Variants in DNAH7 observed in about 807,000 individuals in gnomAD.
DNAH7 encodes axonemal beta dynein heavy chain 7.
A neutral mutation model predicts 444.6 loss-of-function variants in DNAH7; 397 were observed. The ratio of observed to expected loss-of-function variants is 0.89; its 90% confidence interval spans 0.82 to 0.97. The LOEUF (loss-of-function observed/expected upper bound fraction) is 0.97, where lower values mean the gene tolerates loss of function less well. Among genes scored for constraint, DNAH7 ranks in the 50% least tolerant of loss-of-function variants. The pLI is 0.00. For missense variants in DNAH7, 4,902 were observed against 4,800.8 expected (o/e 1.02, Z -0.62); for synonymous variants, 1,636 against 1,624.4 (o/e 1.01, Z -0.17).
At chr2:195,851,722 T>C (rs984070402) in intron 46 of DNAH7, among the ~76,000 whole-genome samples, 3 of 152,310 alleles carry the variant, frequency 2.0e-5, no homozygotes, top group East Asian at 3.9e-4. Flanking sequence ...ATTCTGCTAG[T>C]GCACTGGGTA....
In DNAH7 at chr2:195,858,780, T is replaced by C; in HGVS notation, c.7761A>G (p.Arg2587=). ...KRSEVMKMKK[R]YEVGLEKLDS... is the part of the protein sequence containing the mutation. ...CCAGTTTCTCCAAACCCACTTCATA[T>C]CTCTTTTTCATTTTCATTACTTCAC... is the stretch of plus-strand genomic sequence containing the variant. The change falls in exon 43 of 65, where the codon AGA becomes AGG. Residue 2587 remains arginine, a synonymous_variant. Transcript: ENST00000312428. 2 of 1,608,372 alleles carry C rather than the reference T, an allele frequency of 1.2e-6. No individual in the cohort carries two copies. The highest frequency in any genetic ancestry group is 2.7e-5 in the African/African-American group (2 of 74,522).
Position 195,984,663 on chromosome 2 carries a change from G to A in DNAH7, c.1802C>T (p.Pro601Leu), listed in dbSNP as rs776920806. The A allele has an allele frequency of 2.5e-6, 4 of 1,613,758 alleles. No homozygotes were observed. The highest frequency in any genetic ancestry group is 3.3e-5 in the Admixed American group (2 of 59,998). The change falls in exon 15 of 65, where the codon CCT becomes CTT. Residue 601 changes from proline (P) to leucine (L), a missense_variant. Pro to Leu is a moderately conservative substitution (Grantham distance 98). Coordinates refer to ENST00000312428, the MANE Select transcript of DNAH7 (RefSeq NM_018897.3). ...ERIAEKALST[P>L]PNTAELMEMK... The stretch of plus-strand genomic sequence containing the variant: ...TTCCATTAGTTCTGCTGTATTTGGA[G>A]GAGTGCTAAGAGCTTTTTCAGCTAT...
intron 5 of DNAH7, among the ~76,000 whole-genome samples, chr2:196,028,989 G>A (rs768820224): frequency 6.6e-6 from 1 of 152,298 alleles, no homozygotes; most frequent in East Asian, 1.9e-4. Context: ...AAGAGTCAAG[G>A]CTTTGGGTAA....
At chr2:196,047,211 A>G (rs1345773803) in intron 5 of DNAH7, 141 bp downstream of exon 5, 6 of 590,216 alleles carry the variant, frequency 1.0e-5, no homozygotes, top group African/African-American at 1.9e-5. Flanking sequence ...AATCTCTTTC[A>G]TTCTTTATTT....
chr2:196,038,756 G>T (rs1196332590), intron 5 of DNAH7, among the ~76,000 whole-genome samples: 1 of 152,018 alleles, frequency 6.6e-6, no homozygotes, highest in Non-Finnish European at 1.5e-5. Context: ...AGACAAAATA[G>T]ACTTTAAGTA....
At chr2:195,804,951 A>G (rs1215483474) in intron 54 of DNAH7, among the ~76,000 whole-genome samples, 4 of 152,208 alleles carry the variant, frequency 2.6e-5, no homozygotes, top group African/African-American at 9.6e-5. Context: ...AAAGAAGTAT[A>G]AAACCATAAA....
At chr2:195,975,630 C>T (rs1173736815) in intron 15 of DNAH7, among the ~76,000 whole-genome samples, 1 of 152,142 alleles carries the variant, frequency 6.6e-6, no homozygotes, top group African/African-American at 2.4e-5. Context: ...CCCCAGGCAG[C>T]ACAGCTCACT....
At chr2:195,874,481 C>T (rs2125138213) in intron 38 of DNAH7, among the ~76,000 whole-genome samples, 1 of 151,976 alleles carries the variant, frequency 6.6e-6, no homozygotes, top group East Asian at 1.9e-4. Context: ...CTTTTCTTAC[C>T]AATGCCTGAA....
At chr2:195,784,978 C>G (rs1452329521) in intron 58 of DNAH7, among the ~76,000 whole-genome samples, 2 of 146,610 alleles carry the variant, frequency 1.4e-5, no homozygotes, top group African/African-American at 5.1e-5. Context: ...TGGGCATGAT[C>G]TCGGCTCACT....
At position 195,934,572 on chromosome 2, in the gene DNAH7, C is replaced by T; in HGVS notation, c.3471+19G>A. On this transcript the variant is annotated intron_variant, in intron 21 of 64. Transcript: ENST00000312428. ...TATTCTAGCATCCTTTTCTAAAAATCATCAGTATAATCAGCTACCTTGTGG... is the reference window on the plus strand; with the variant it reads ...TATTCTAGCATCCTTTTCTAAAAATTATCAGTATAATCAGCTACCTTGTGG... The T allele has an allele frequency of 1.9e-6, 3 of 1,606,062 alleles. No individual in the cohort carries two copies. Among genetic ancestry groups the T allele is most frequent in the Non-Finnish European group, 1.7e-6 (2 of 1,174,306 alleles).
rs779212535 is a variant in DNAH7 at position 195,957,244 on chromosome 2, G to A, written c.3078+17C>T. ...CTTCAACCAAATAATGACATTTTTG[G>A]AGATTTTTTCACCTACCTGCATGAC... is the stretch of plus-strand genomic sequence containing the variant. On this transcript the variant is annotated intron_variant, in intron 19 of 64. Coordinates refer to ENST00000312428, the MANE Select transcript of DNAH7 (RefSeq NM_018897.3). The A allele has an allele frequency of 2.0e-6, 3 of 1,469,318 alleles. No individual in the cohort carries two copies. In the South Asian group the frequency reaches 4.3e-5, roughly 21 times the overall value. The allele number at this position is 1,469,318 out of a possible 1,614,324, so 91.0% of individuals were successfully genotyped here.
chr2:195,902,002 G>A (rs1343273081), intron 27 of DNAH7: 1 of 152,078 alleles, frequency 6.6e-6, no homozygotes, highest in Non-Finnish European at 1.5e-5. Flanking sequence ...TTAAAACATG[G>A]CTTTCTTGTA....
intron 63 of DNAH7, among the ~76,000 whole-genome samples, chr2:195,741,973 G>A (rs1172480761): frequency 6.6e-6 from 1 of 152,178 alleles, no homozygotes; most frequent in African/African-American, 2.4e-5. Context: ...ATAATTTAAT[G>A]ATAGAGTTGA....
At chr2:196,055,078 G>A (rs915471762) in intron 2 of DNAH7, among the ~76,000 whole-genome samples, 1 of 152,164 alleles carries the variant, frequency 6.6e-6, no homozygotes, top group East Asian at 1.9e-4. Flanking sequence ...GGTGAGGCTG[G>A]GCACAATGGC....
At chr2:195,826,184 T>C (rs1043700335) in intron 48 of DNAH7, among the ~76,000 whole-genome samples, 15 of 152,224 alleles carry the variant, frequency 9.9e-5, no homozygotes, top group Admixed American at 9.8e-4. Context: ...GAATTAATGG[T>C]CAACAGTTAT....
At position 195,988,101 on chromosome 2, in the gene DNAH7, A is replaced by G; in HGVS notation, c.1482T>C (p.Tyr494=). The G allele has an allele frequency of 6.2e-7, 1 of 1,613,772 alleles. No individual in the cohort carries two copies. Among genetic ancestry groups the G allele is most frequent in the Non-Finnish European group, 8.5e-7 (1 of 1,179,786 alleles). ...SVAPTEHLRL[Y]DKYDFLITRK... ...TGGTAATTAAAAAGTCATACTTGTCATAGAGTCTGAGGTGCTCAGTAGGTG... is the reference window on the plus strand; with the variant it reads ...TGGTAATTAAAAAGTCATACTTGTCGTAGAGTCTGAGGTGCTCAGTAGGTG... Residue 494 remains tyrosine (Y), a synonymous_variant, in exon 13 of 65, where the codon TAT becomes TAC. Coordinates refer to ENST00000312428, the MANE Select transcript of DNAH7 (RefSeq NM_018897.3).
chr2:195,959,391 T>C (rs975269287), intron 18 of DNAH7, among the ~76,000 whole-genome samples: 30 of 152,174 alleles, frequency 2.0e-4, no homozygotes, highest in Admixed American at 8.5e-4. Context: ...GCTAATGATA[T>C]CACGCATAGT....
chr2:196,025,169 T>G (rs544582972), intron 7 of DNAH7, among the ~76,000 whole-genome samples: 33 of 151,910 alleles, frequency 2.2e-4, no homozygotes, highest in African/African-American at 7.7e-4. Flanking sequence ...GGGAGGGGAG[T>G]GTCCTGGAAC....
intron 1 of DNAH7, among the ~76,000 whole-genome samples, chr2:196,062,044 A>G (rs1698161837): frequency 1.3e-5 from 2 of 152,146 alleles, no homozygotes. Context: ...ATCTCTGTCA[A>G]TGACTTTCAT....
Sources: allele counts gnomAD v4.1 joint callset (sites outside exome capture counted in the v4.1 genomes callset), GRCh38; gene constraint gnomAD v4.1.1; transcripts MANE v1.5; gene names NCBI Gene and HGNC (gene_info 2026-07-23, HGNC 2026-07-21).